Variants in ALK observed in about 807,000 individuals in gnomAD.
ALK encodes the protein ALK receptor tyrosine kinase.
Under a neutral mutation model 163.1 loss-of-function variants are expected in ALK, and 74 were observed. That is an observed-to-expected ratio of 0.45 (90% CI 0.38 to 0.55). The LOEUF (loss-of-function observed/expected upper bound fraction) is 0.55, where lower values mean the gene tolerates loss of function less well. ALK is among the 20% of genes least tolerant of loss of function. The pLI is 0.00. For missense variants in ALK, 2,063 were observed against 2,105.3 expected (o/e 0.98, Z 0.39); for synonymous variants, 960 against 843.2 (o/e 1.14, Z -2.40).
intron 24 of ALK, among the ~76,000 whole-genome samples, chr2:29,212,160 A>T (rs1258524031): frequency 2.0e-5 from 3 of 152,226 alleles, no homozygotes; most frequent in African/African-American, 7.2e-5. Context: ...GAAGGAAGAC[A>T]TCTGGCCACC....
At chr2:29,721,700 C>T (rs1415162714) in intron 1 of ALK, among the ~76,000 whole-genome samples, 1 of 152,226 alleles carries the variant, frequency 6.6e-6, no homozygotes, top group African/African-American at 2.4e-5. Flanking sequence ...CTAGTCTCGT[C>T]TCTTCTCAAG....
intron 4 of ALK, among the ~76,000 whole-genome samples, chr2:29,454,643 T>C (rs1453643465): frequency 2.6e-5 from 4 of 152,074 alleles, no homozygotes; most frequent in Non-Finnish European, 5.9e-5. Context: ...ATTATTTTAA[T>C]TCTATATATC....
chr2:29,469,241 T>G (rs67403863), intron 4 of ALK, among the ~76,000 whole-genome samples: 62 of 152,182 alleles, frequency 4.1e-4, no homozygotes, highest in African/African-American at 1.4e-3. Context: ...TCCACATCTG[T>G]GGACATGTTG....
intron 3 of ALK, among the ~76,000 whole-genome samples, chr2:29,593,656 A>G (rs2148208713): frequency 6.6e-6 from 1 of 152,368 alleles, no homozygotes; most frequent in South Asian, 2.1e-4. Flanking sequence ...ACCAAAACAC[A>G]GTGAAAGAAA....
chr2:29,879,524 G>A (rs919309769), intron 1 of ALK, among the ~76,000 whole-genome samples: 1 of 152,114 alleles, frequency 6.6e-6, no homozygotes, highest in African/African-American at 2.4e-5. Flanking sequence ...CAGCTCTTTA[G>A]GCATCAGACA....
chr2:29,244,945 C>T (rs1664618564), intron 12 of ALK, among the ~76,000 whole-genome samples: 1 of 152,286 alleles, frequency 6.6e-6, no homozygotes, highest in African/African-American at 2.4e-5. Context: ...CCAGTCTAGT[C>T]AGTGCCTGGA....
chr2:29,332,215 G>C lies in ALK; in HGVS notation c.1283-3734C>G, dbSNP rs912360820. Among the ~76,000 whole-genome samples the C allele has an allele frequency of 2.0e-5, 3 of 146,646 alleles. No individual in the cohort carries two copies. In the Admixed American group the frequency reaches 2.1e-4, roughly 10 times the overall value. ...GCAGGAGAACCGCTTGAACCAGGGA[G>C]GCGGAGGTTGCAGTGAGCCAAGACC... On this transcript the variant is annotated intron_variant, in intron 5 of 28. Coordinates refer to ENST00000389048, the MANE Select transcript of ALK (RefSeq NM_004304.5).
intron 11 of ALK, among the ~76,000 whole-genome samples, chr2:29,253,140 G>T (rs916108945): frequency 1.3e-5 from 2 of 152,154 alleles, no homozygotes; most frequent in African/African-American, 4.8e-5. Context: ...TTATGGGCAT[G>T]AATTACCATG....
intron 5 of ALK, among the ~76,000 whole-genome samples, chr2:29,331,642 G>T (rs1181661742): frequency 6.6e-6 from 1 of 152,172 alleles, no homozygotes; most frequent in Non-Finnish European, 1.5e-5. Context: ...CGGAAGGTGT[G>T]GTCTCCCTAA....
At chr2:29,220,471 A>G (rs1189991587) in intron 23 of ALK, among the ~76,000 whole-genome samples, 1 of 152,186 alleles carries the variant, frequency 6.6e-6, no homozygotes, top group Non-Finnish European at 1.5e-5. Context: ...ATGGACTAAT[A>G]CAAATGCATT....
At chr2:29,561,951 A>T (rs1201862537) in intron 3 of ALK, among the ~76,000 whole-genome samples, 1 of 152,174 alleles carries the variant, frequency 6.6e-6, no homozygotes, top group East Asian at 1.9e-4. Flanking sequence ...AACAGATACT[A>T]CTGAGAATCA....
chr2:29,904,264 C>A (rs191081118), intron 1 of ALK, among the ~76,000 whole-genome samples: 7 of 152,152 alleles, frequency 4.6e-5, no homozygotes, highest in African/African-American at 7.2e-5. Flanking sequence ...ACAAAAGATT[C>A]GCTGGTTCAA....
intron 11 of ALK, among the ~76,000 whole-genome samples, chr2:29,271,866 A>G (rs1665395856): frequency 2.0e-5 from 3 of 152,234 alleles, no homozygotes; most frequent in Admixed American, 2.0e-4. Flanking sequence ...TTTGATGCCA[A>G]GGCTCCATAG....
intron 3 of ALK, among the ~76,000 whole-genome samples, chr2:29,614,055 G>T (rs879510344): frequency 2.6e-5 from 4 of 152,152 alleles, no homozygotes; most frequent in Non-Finnish European, 5.9e-5. Context: ...CTCACCGGGG[G>T]CATCAGGACT....
intron 1 of ALK, among the ~76,000 whole-genome samples, chr2:29,795,879 T>G (rs1664295963): frequency 6.6e-6 from 1 of 152,172 alleles, no homozygotes; most frequent in African/African-American, 2.4e-5. Flanking sequence ...CATGACATTT[T>G]TATAAAAAGG....
At chr2:29,582,433 T>C (rs973565018) in intron 3 of ALK, among the ~76,000 whole-genome samples, 13 of 152,160 alleles carry the variant, frequency 8.5e-5, no homozygotes, top group African/African-American at 3.1e-4. Flanking sequence ...GTCTGATAAT[T>C]GAGAACCTAA....
intron 3 of ALK, among the ~76,000 whole-genome samples, chr2:29,677,182 G>C (rs1486171965): frequency 1.4e-5 from 2 of 144,146 alleles, no homozygotes; most frequent in African/African-American, 5.2e-5. Flanking sequence ...CATGTTTTTG[G>C]TTCTCTCCCT....
intron 9 of ALK, among the ~76,000 whole-genome samples, chr2:29,280,144 C>T (rs535701270): frequency 6.6e-6 from 1 of 152,190 alleles, no homozygotes; most frequent in South Asian, 2.1e-4. Flanking sequence ...ATGAGGTGGC[C>T]CACTCTGGGA....
At chr2:29,563,104 T>C (rs1284241867) in intron 3 of ALK, among the ~76,000 whole-genome samples, 1 of 152,210 alleles carries the variant, frequency 6.6e-6, no homozygotes, top group African/African-American at 2.4e-5. Flanking sequence ...GCCCAGACTG[T>C]GGTAGGATAT....
Sources: allele counts gnomAD v4.1 joint callset (sites outside exome capture counted in the v4.1 genomes callset), GRCh38; gene constraint gnomAD v4.1.1; transcripts MANE v1.5; gene names NCBI Gene and HGNC (gene_info 2026-07-23, HGNC 2026-07-21).